The following NIBAN3 variants were observed in gnomAD, a reference collection of about 807,000 sequenced individuals.
NIBAN3 encodes the protein niban apoptosis regulator 3.
NIBAN3 carries 66 observed loss-of-function variants against 76.4 expected under a neutral mutation model. The ratio of observed to expected loss-of-function variants is 0.86; its 90% CI spans 0.71 to 1.06. NIBAN3 has a LOEUF of 1.06. Among genes scored for constraint, NIBAN3 ranks in the 50% least tolerant of loss-of-function variants. The probability of loss-of-function intolerance (pLI) is 0.00; values close to 1 mark genes in which losing one functional copy is unlikely to be tolerated. For synonymous variants in NIBAN3, 360 were observed against 355.2 expected, an observed-to-expected ratio of 1.01 and a Z score of -0.15; for missense variants, 808 against 810.7, an observed-to-expected ratio of 1.00 and a Z score of 0.04.
At chr19:17,525,300 T>C (rs114816709), upstream of NIBAN3, among the ~76,000 whole-genome samples, 1 of 152,134 alleles carries the variant, frequency 6.6e-6, no homozygotes, top group African/African-American at 2.4e-5. Flanking sequence ...CCGCTTGGAG[T>C]GTAGACTGCA....
At chr19:17,530,149 T>C (rs2075688212) in intron 1 of NIBAN3, among the ~76,000 whole-genome samples, 1 of 151,466 alleles carries the variant, frequency 6.6e-6, no homozygotes, top group Non-Finnish European at 1.5e-5. Context: ...TCGTCTCTAC[T>C]AAAAATAGAA....
In NIBAN3 at chr19:17,546,901, C is replaced by A. The variant is rs188654155; in HGVS notation, c.1666+104C>A. ...GACTCTCACTTCCTGTGAATACTTG[C>A]CATTTGACCTTAAGTCAGGACTTGG... On this transcript the variant is annotated intron_variant, in intron 13 of 14. Coordinates refer to ENST00000599164, the MANE Select transcript of NIBAN3 (RefSeq NM_001321827.2). 27 of 1,413,934 alleles carry A rather than the reference C, an allele frequency of 1.9e-5. No homozygotes were observed. The African/African-American group carries it at 3.3e-4, about 17-fold the overall frequency. The allele number at this position is 1,413,934 out of a possible 1,614,324, so 87.6% of individuals were successfully genotyped here. A position where few individuals can be genotyped will look rare whatever the true frequency, so the allele number is the denominator to read the frequency against.
chr19:17,524,294 T>TC (rs1321844092), upstream of NIBAN3, among the ~76,000 whole-genome samples: 1 of 151,458 alleles, frequency 6.6e-6, no homozygotes, highest in African/African-American at 2.4e-5. Flanking sequence ...TTTTCTTTTT[T>TC]CTTTTTTTTG....
In NIBAN3 at chr19:17,553,239, G is replaced by A. The variant is rs2076182594; in HGVS notation, c.*1341G>A. 30 of 1,563,652 alleles carry A rather than the reference G, an allele frequency of 1.9e-5. No individual in the cohort carries two copies. Among genetic ancestry groups the A allele is most frequent in the Non-Finnish European group, 2.3e-5 (27 of 1,156,766 alleles). On this transcript the variant is annotated 3_prime_UTR_variant, in exon 15 of 15. Transcript: ENST00000599164. Reference sequence around the variant, plus strand: ...CTCTTTATATCTGAAGGATATGAACGCTTTGTGATACAGGTTACAGATTTT... The same window carrying A: ...CTCTTTATATCTGAAGGATATGAACACTTTGTGATACAGGTTACAGATTTT...
At chr19:17,539,887 C>CGG (rs145006973) in intron 8 of NIBAN3, 122 bp downstream of exon 8, 6,436 of 204,126 alleles carry the variant, frequency 0.032, 255 homozygotes, top group African/African-American at 0.16. Flanking sequence ...CAGAGAGGGG[C>CGG]GGGGCCAAGC....
intron 9 of NIBAN3, 36 bp downstream of exon 9, chr19:17,540,618 G>A (rs778558253): frequency 1.2e-5 from 16 of 1,369,786 alleles, no homozygotes; most frequent in South Asian, 8.1e-5. Context: ...GTGAGCCAGA[G>A]GGTGATGTGT....
Position 17,552,053 on chromosome 19 carries a change from A to T in NIBAN3, c.*155A>T. ...TCCAAGCAGCAGCATTTATTTGTGT[A>T]TTTTCCCCAAGGCTTTCTTTATTTT... On this transcript the variant is annotated 3_prime_UTR_variant, in exon 15 of 15. Transcript: ENST00000599164. 14 of 422,698 alleles carry T rather than the reference A, an allele frequency of 3.3e-5. No homozygotes were observed. Among genetic ancestry groups the T allele is most frequent in the South Asian group, 1.2e-4 (2 of 17,106 alleles). The allele number at this position is 422,698 out of a possible 1,614,324, so 26.2% of individuals were successfully genotyped here.
chr19:17,530,731 T>G, intron 1 of NIBAN3, 24 bp from the exon 2 acceptor site: 2 of 1,587,690 alleles, frequency 1.3e-6, no homozygotes, highest in Non-Finnish European at 1.7e-6. Context: ...ATTTGCTGGG[T>G]TCACTGTCCC....
At position 17,553,605 on chromosome 19, in the gene NIBAN3, T is replaced by C; in HGVS notation, c.*1707T>C. On this transcript the variant is annotated 3_prime_UTR_variant, in exon 15 of 15. Transcript: ENST00000599164. The stretch of plus-strand genomic sequence containing the variant: ...CCACCTATTTCCCTCCAACCCCACC[T>C]TCCGAAATACATTTGCTCAATACAT... The C allele has an allele frequency of 6.4e-7, 1 of 1,550,868 alleles. No homozygotes were observed. Among genetic ancestry groups the C allele is most frequent in the African/African-American group, 1.4e-5 (1 of 73,650 alleles).
chr19:17,533,587 G>A lies in NIBAN3; in HGVS notation c.313G>A (p.Glu105Lys), dbSNP rs745777584. The A allele has an allele frequency of 6.2e-7, 1 of 1,612,224 alleles. No homozygotes were observed. Among genetic ancestry groups the A allele is most frequent in the South Asian group, 1.1e-5 (1 of 91,046 alleles). ...TTGGTTCTCTGGGTACCTTTTGTAGGAATATGAAAACGGGGGCCACTGCCT... is the reference window on the plus strand; with the variant it reads ...TTGGTTCTCTGGGTACCTTTTGTAGAAATATGAAAACGGGGGCCACTGCCT... The part of the protein sequence containing the change: ...GRLEWFSHKE[E>K]YENGGHCLGS... The change falls in exon 4 of 15, where the codon GAA becomes AAA. Residue 105 changes from glutamate (E) to lysine (K), a missense_variant and splice_region_variant. Transcript: ENST00000599164.
At chr19:17,526,799 T>C (rs2075614020), upstream of NIBAN3, among the ~76,000 whole-genome samples, 1 of 152,050 alleles carries the variant, frequency 6.6e-6, no homozygotes, top group African/African-American at 2.4e-5. Context: ...CTCTAAGACC[T>C]TGGCATCTGC....
chr19:17,540,231 A>T, intron 8 of NIBAN3, 161 bp from the exon 9 acceptor site: 1 of 488,068 alleles, frequency 2.0e-6, no homozygotes, highest in East Asian at 3.5e-5. Flanking sequence ...GGGAATCCTG[A>T]CTGGGCCCGC....
downstream of NIBAN3, chr19:17,553,675 CG>C: frequency 1.1e-6 from 1 of 897,774 alleles, no homozygotes. Context: ...TTACCCCGGA[CG>C]GGATGTAGAT....
intron 12 of NIBAN3, 115 bp from the exon 13 acceptor site, chr19:17,546,571 C>G (rs2076058502): frequency 7.7e-7 from 1 of 1,299,504 alleles, no homozygotes; most frequent in African/African-American, 1.5e-5. Flanking sequence ...AAGGCCCAAG[C>G]CCCGCCCCCC....
At chr19:17,524,456 T>G (rs922161989), upstream of NIBAN3, among the ~76,000 whole-genome samples, 5 of 150,540 alleles carry the variant, frequency 3.3e-5, no homozygotes, top group African/African-American at 1.2e-4. Flanking sequence ...CGCTATTTTT[T>G]GTATTTTTAG....
Position 17,538,700 on chromosome 19 carries a change from AAAAGAAAGGAG to A in NIBAN3, c.596-441_596-431del, listed in dbSNP as rs1281379178. Among the ~76,000 whole-genome samples, 8 of 105,810 alleles carry A rather than the reference AAAAGAAAGGAG, an allele frequency of 7.6e-5. No homozygotes were observed. The East Asian group carries it at 1.8e-3, about 24-fold the overall frequency. The allele number at this position is 105,810 out of a possible 152,430, so 69.4% of individuals were successfully genotyped here. A position where few individuals can be genotyped will look rare whatever the true frequency, so the allele number is the denominator to read the frequency against. On this transcript the variant is annotated intron_variant, in intron 5 of 14. Coordinates refer to ENST00000599164, the MANE Select transcript of NIBAN3 (RefSeq NM_001321827.2). ...AAGGAAAAAGAAAGGAAAGAAAAAGAAAAGAAAGGAGAAAGAAAGAAGAAAGAAAGCAAGAA... is the reference window on the plus strand; with the variant it reads ...AAGGAAAAAGAAAGGAAAGAAAAAGAAAAGAAAGAAGAAAGAAAGCAAGAA...
intron 13 of NIBAN3, 57 bp from the exon 14 acceptor site, chr19:17,549,387 G>A: frequency 8.2e-7 from 1 of 1,214,626 alleles, no homozygotes; most frequent in Non-Finnish European, 1.2e-6. Flanking sequence ...AAAATGCAGG[G>A]AAGCCCCTTG....
rs76629753 is a variant in NIBAN3 at position 17,551,807 on chromosome 19, G to A, written c.1772G>A (p.Arg591Gln). 41,186 of 779,504 alleles carry A rather than the reference G, an allele frequency of 0.053. 1,231 individuals carry two copies. The highest frequency in any genetic ancestry group is 0.077 in the South Asian group (5,742 of 74,528). 48.3% of individuals were successfully genotyped at this position (779,504 alleles called of 1,614,324 possible). A position where few individuals can be genotyped will look rare whatever the true frequency, so the allele number is the denominator to read the frequency against. Residue 591 changes from arginine (R) to glutamine (Q), a missense_variant, in exon 15 of 15, where the codon CGG becomes CAG. Coordinates refer to ENST00000599164, the MANE Select transcript of NIBAN3 (RefSeq NM_001321827.2). The part of the protein sequence containing the change: ...EGADEETEAE[R>Q]EGGACPRQPD... ...ACAGATGAGGAAACTGAGGCTGAGC[G>A]GGAAGGAGGGGCTTGTCCCAGGCAG...
At chr19:17,524,499 G>T (rs2075586873), upstream of NIBAN3, among the ~76,000 whole-genome samples, 1 of 151,596 alleles carries the variant, frequency 6.6e-6, no homozygotes, top group Non-Finnish European at 1.5e-5. Flanking sequence ...TGGCCAGGCT[G>T]GTCTCGAACT....
Sources: allele counts gnomAD v4.1 joint callset (sites outside exome capture counted in the v4.1 genomes callset), GRCh38; gene constraint gnomAD v4.1.1; transcripts MANE v1.5; gene names NCBI Gene and HGNC (gene_info 2026-07-23, HGNC 2026-07-21).